KCNMA1: variants seen among roughly 807,000 people sequenced by gnomAD.
KCNMA1 encodes Calcium-activated potassium channel subunit alpha-1.
In KCNMA1, 29 loss-of-function variants were observed where a neutral mutation model predicts 140.0. The ratio of observed to expected loss-of-function variants is 0.21; its 90% confidence interval spans 0.15 to 0.28. The LOEUF (loss-of-function observed/expected upper bound fraction) is 0.28. Ranked by LOEUF, KCNMA1 falls within the 10% of genes least tolerant of loss-of-function variation. The pLI, the probability that KCNMA1 is intolerant of heterozygous loss-of-function variation, is 1.00. For missense variants in KCNMA1, 880 were observed against 1,602.2 expected, an observed-to-expected ratio of 0.55 and a Z score of 7.70; for synonymous variants, 612 against 611.9, an observed-to-expected ratio of 1.00 and a Z score of 0.00.
At chr10:77,320,789 T>C (rs2082130622) in intron 2 of KCNMA1, among the ~76,000 whole-genome samples, 1 of 152,232 alleles carries the variant, frequency 6.6e-6, no homozygotes, top group South Asian at 2.1e-4. Flanking sequence ...CTGTGTTGAA[T>C]GTTAAAGAAA....
intron 1 of KCNMA1, among the ~76,000 whole-genome samples, chr10:77,593,223 G>A (rs1199418152): frequency 6.6e-6 from 1 of 152,138 alleles, no homozygotes; most frequent in African/African-American, 2.4e-5. Context: ...AGAAAGGACA[G>A]GGAACCATAA....
chr10:76,883,508 G>A (rs1244926022), downstream of KCNMA1, among the ~76,000 whole-genome samples: 8 of 152,120 alleles, frequency 5.3e-5, no homozygotes, highest in Non-Finnish European at 1.0e-4. Context: ...ATGATGCCAC[G>A]ATCACCCAAG....
chr10:77,371,399 C>A (rs1008075995), intron 2 of KCNMA1, among the ~76,000 whole-genome samples: 2 of 152,188 alleles, frequency 1.3e-5, no homozygotes, highest in Non-Finnish European at 2.9e-5. Flanking sequence ...AGAGAAGCCA[C>A]AAGCTGGAGC....
At chr10:76,973,866 G>T (rs2076772523) in intron 19 of KCNMA1, 1 of 152,154 alleles carries the variant, frequency 6.6e-6, no homozygotes, top group Non-Finnish European at 1.5e-5. Context: ...ATGGGGCAAT[G>T]ATTGCAACTC....
intron 2 of KCNMA1, among the ~76,000 whole-genome samples, chr10:77,402,433 A>G (rs1454196086): frequency 6.6e-6 from 1 of 152,044 alleles, no homozygotes; most frequent in African/African-American, 2.4e-5. Context: ...CCAACTTTAA[A>G]TGTCCCCTCT....
chr10:77,111,323 G>A (rs571233850), intron 7 of KCNMA1, among the ~76,000 whole-genome samples: 2 of 152,284 alleles, frequency 1.3e-5, no homozygotes, highest in South Asian at 4.2e-4. Context: ...ATGTTTCCAG[G>A]GCCTGGCCTC....
At chr10:77,509,866 C>T (rs1416155620) in intron 1 of KCNMA1, among the ~76,000 whole-genome samples, 17 of 152,122 alleles carry the variant, frequency 1.1e-4, no homozygotes, top group Admixed American at 1.1e-3. Context: ...AGTCCTCCTC[C>T]CACCCTCAGC....
intron 2 of KCNMA1, among the ~76,000 whole-genome samples, chr10:77,341,194 T>A (rs2090835869): frequency 6.6e-6 from 1 of 152,216 alleles, no homozygotes; most frequent in African/African-American, 2.4e-5. Context: ...ACAGCACTTA[T>A]CTCATAGAAT....
At chr10:77,112,216 A>C in intron 7 of KCNMA1, 151 bp downstream of exon 7, 1 of 678,144 alleles carries the variant, frequency 1.5e-6, no homozygotes, top group Non-Finnish European at 2.7e-6. Flanking sequence ...AAAGGTTGGA[A>C]ACCCAGACAA....
intron 5 of KCNMA1, among the ~76,000 whole-genome samples, chr10:77,141,236 T>C (rs772401505): frequency 3.3e-4 from 50 of 152,112 alleles, no homozygotes; most frequent in Non-Finnish European, 5.0e-4. Flanking sequence ...CTTTGTCCCA[T>C]TGTTTTCAGC....
At chr10:77,399,008 G>T (rs1222130272) in intron 2 of KCNMA1, among the ~76,000 whole-genome samples, 1 of 152,172 alleles carries the variant, frequency 6.6e-6, no homozygotes, top group African/African-American at 2.4e-5. Context: ...AAAATGAGAG[G>T]AGAGATGATG....
At chr10:77,535,822 T>G (rs559111843) in intron 1 of KCNMA1, among the ~76,000 whole-genome samples, 2 of 152,316 alleles carry the variant, frequency 1.3e-5, no homozygotes, top group South Asian at 4.1e-4. Context: ...TCCTTACTCA[T>G]GTGGAAGCTA....
intron 23 of KCNMA1, among the ~76,000 whole-genome samples, chr10:76,942,368 T>A (rs375759378): frequency 6.6e-6 from 1 of 152,180 alleles, no homozygotes. Context: ...AGGGTTAGGA[T>A]TTCAATGTAT....
intron 1 of KCNMA1, among the ~76,000 whole-genome samples, chr10:77,501,657 G>A (rs769100191): frequency 7.2e-5 from 11 of 152,166 alleles, no homozygotes; most frequent in African/African-American, 1.9e-4. Flanking sequence ...AGGCTGACCC[G>A]ATCTGGGCCC....
At position 77,001,526 on chromosome 10, in the gene KCNMA1, C is replaced by A; in HGVS notation, c.2147G>T (p.Arg716Leu). 1 of 1,552,142 alleles carries A rather than the reference C, an allele frequency of 6.4e-7. No individual in the cohort carries two copies. The highest frequency in any genetic ancestry group is 8.7e-7 in the Non-Finnish European group (1 of 1,147,012). Reference sequence around the variant, plus strand: ...CATGCATGAGCAGTCACGCTCAGAACGTCCGCAATCAAAACAACATGCCCG... The same window carrying A: ...CATGCATGAGCAGTCACGCTCAGAAAGTCCGCAATCAAAACAACATGCCCG... ...MRRACCFDCG[R>L]SERDCSCMSG... The change falls in exon 19 of 28, where the codon CGT becomes CTT. Residue 716 changes from arginine to leucine, a missense_variant. Physicochemically the swap from Arg to Leu is moderately radical, Grantham distance 102. Around this residue, in one of 13 missense-constraint regions of KCNMA1, gnomAD observed 196 missense variants for 233.0 expected, o/e 0.84. Coordinates refer to ENST00000286628, the MANE Select transcript of KCNMA1 (RefSeq NM_001161352.2).
At chr10:77,297,524 A>G (rs1202585450) in intron 2 of KCNMA1, among the ~76,000 whole-genome samples, 1 of 152,114 alleles carries the variant, frequency 6.6e-6, no homozygotes, top group Non-Finnish European at 1.5e-5. Context: ...TGCTTTGATG[A>G]TTTATAACCA....
At chr10:77,142,782 G>A (rs1307345564) in intron 5 of KCNMA1, among the ~76,000 whole-genome samples, 2 of 152,138 alleles carry the variant, frequency 1.3e-5, no homozygotes, top group African/African-American at 2.4e-5. Flanking sequence ...TAATTTTAAA[G>A]TATTAGGAAT....
chr10:76,895,919 G>A (rs999305150), intron 25 of KCNMA1, among the ~76,000 whole-genome samples: 10 of 152,174 alleles, frequency 6.6e-5, no homozygotes, highest in Admixed American at 5.2e-4. Context: ...GAGATCACAT[G>A]CTTCAAGGGC....
intron 3 of KCNMA1, among the ~76,000 whole-genome samples, chr10:77,243,940 C>T (rs886445773): frequency 2.0e-5 from 3 of 152,208 alleles, no homozygotes; most frequent in East Asian, 3.9e-4. Flanking sequence ...ACTAATCCCA[C>T]GCAGCCACCT....
Sources: gnomAD v4.1 joint callset for allele counts (sites outside exome capture counted in the v4.1 genomes callset) on GRCh38, gnomAD v4.1.1 for gene constraint, gnomAD v4.1.1 regional missense constraint, MANE v1.5 for transcripts, NCBI Gene and HGNC (gene_info 2026-07-23, HGNC 2026-07-21) for gene names.